GSK3B: variants seen among roughly 807,000 people sequenced by gnomAD.
GSK3B encodes glycogen synthase kinase 3 beta, also known as glycogen synthase kinase-3 beta.
GSK3B carries 15 observed loss-of-function variants against 56.4 expected under a neutral mutation model. The observed-to-expected ratio is 0.27, with a 90% CI of 0.18 to 0.41. The LOEUF (loss-of-function observed/expected upper bound fraction) is 0.41. Among genes scored for constraint, GSK3B ranks in the 10% least tolerant of loss-of-function variants. The pLI is 1.00. For synonymous variants in GSK3B, 181 were observed against 188.9 expected, an observed-to-expected ratio of 0.96 and a Z score of 0.34; for missense variants, 300 against 513.4, an observed-to-expected ratio of 0.58 and a Z score of 4.02.
At chr3:119,967,782 TTTTC>T (rs2057331171) in intron 2 of GSK3B, among the ~76,000 whole-genome samples, 1 of 149,152 alleles carries the variant, frequency 6.7e-6, no homozygotes, top group South Asian at 2.3e-4. Flanking sequence ...TTTCTCTTTC[TTTTC>T]TCTCTCTCTC....
intron 1 of GSK3B, among the ~76,000 whole-genome samples, chr3:120,021,194 T>A (rs2057873846): frequency 6.6e-6 from 1 of 152,088 alleles, no homozygotes; most frequent in African/African-American, 2.4e-5. Context: ...ACTAAACAAC[T>A]TCTAGATGCC....
intron 1 of GSK3B, among the ~76,000 whole-genome samples, chr3:120,019,240 G>C (rs1311051281): frequency 6.6e-6 from 1 of 151,590 alleles, no homozygotes; most frequent in African/African-American, 2.4e-5. Flanking sequence ...TTGGTGAGCT[G>C]ATGTACCATG....
At chr3:120,056,678 G>A (rs1387285141) in intron 1 of GSK3B, among the ~76,000 whole-genome samples, 1 of 152,136 alleles carries the variant, frequency 6.6e-6, no homozygotes. Context: ...AAGGAGTCCT[G>A]AGAGCAAGAA....
chr3:119,918,383 T>C (rs895749931), intron 4 of GSK3B, among the ~76,000 whole-genome samples: 1 of 151,384 alleles, frequency 6.6e-6, no homozygotes, highest in African/African-American at 2.4e-5. Flanking sequence ...GGCAGGAGAA[T>C]TGCTTGGACC....
chr3:119,851,657 T>C (rs2055932212), intron 9 of GSK3B, among the ~76,000 whole-genome samples: 2 of 152,188 alleles, frequency 1.3e-5, no homozygotes, highest in African/African-American at 2.4e-5. Context: ...CCTCCTCTAC[T>C]AGCTTTGAAG....
chr3:120,048,049 C>A (rs566369594), intron 1 of GSK3B, among the ~76,000 whole-genome samples: 6 of 152,306 alleles, frequency 3.9e-5, no homozygotes, highest in Admixed American at 3.9e-4. Flanking sequence ...ATATGAACTA[C>A]GTATCTTCAC....
At chr3:120,044,328 G>A (rs1247720597) in intron 1 of GSK3B, among the ~76,000 whole-genome samples, 1 of 152,162 alleles carries the variant, frequency 6.6e-6, no homozygotes, top group Non-Finnish European at 1.5e-5. Context: ...GCCCTTCCAA[G>A]AGCTTACCCA....
At chr3:119,953,337 C>T (rs1046027642) in intron 2 of GSK3B, among the ~76,000 whole-genome samples, 5 of 152,156 alleles carry the variant, frequency 3.3e-5, no homozygotes, top group Non-Finnish European at 7.4e-5. Flanking sequence ...ACATGTAATT[C>T]CAGCTACATC....
chr3:119,910,113 AAGTATTTCAGG>A (rs1207936664), intron 6 of GSK3B, among the ~76,000 whole-genome samples: 1 of 152,192 alleles, frequency 6.6e-6, no homozygotes, highest in Admixed American at 6.5e-5. Flanking sequence ...TCATGCTCAG[AAGTATTTCAGG>A]AGGATTTTAA....
intron 9 of GSK3B, among the ~76,000 whole-genome samples, chr3:119,844,920 C>A (rs1476846081): frequency 1.3e-5 from 2 of 152,218 alleles, no homozygotes; most frequent in Non-Finnish European, 2.9e-5. Flanking sequence ...CAATAAAATA[C>A]TGGCAAACCG....
chr3:119,934,006 T>G (rs2056971112), intron 3 of GSK3B, among the ~76,000 whole-genome samples: 1 of 152,118 alleles, frequency 6.6e-6, no homozygotes, highest in Admixed American at 6.5e-5. Context: ...AAATCCACAC[T>G]GATAGAAATA....
chr3:119,902,596 C>T (rs2056635580), intron 7 of GSK3B, among the ~76,000 whole-genome samples: 1 of 152,098 alleles, frequency 6.6e-6, no homozygotes, highest in African/African-American at 2.4e-5. Context: ...AGGGTTTCAC[C>T]ATGTTGGTCA....
chr3:119,993,205 A>T (rs2057582683), intron 2 of GSK3B, among the ~76,000 whole-genome samples: 1 of 152,086 alleles, frequency 6.6e-6, no homozygotes, highest in Non-Finnish European at 1.5e-5. Flanking sequence ...ACTGAGGAAA[A>T]GTAAGCCAGA....
chr3:120,002,538 C>T (rs2057689187), intron 1 of GSK3B, among the ~76,000 whole-genome samples: 1 of 152,068 alleles, frequency 6.6e-6, no homozygotes, highest in Non-Finnish European at 1.5e-5. Flanking sequence ...GCGGTTTCAC[C>T]ATGTTGGCCA....
chr3:119,863,442 G>T lies in GSK3B; in HGVS notation c.1073C>A (p.Ala358Glu). 6.2e-7 allele frequency: 1 copy of T among 1,613,848 alleles called. No homozygotes were observed. The highest frequency in any genetic ancestry group is 8.5e-7 in the Non-Finnish European group (1 of 1,179,740). ...ACCTTGAGTGGTGAAGTTGAAGAGT[G>T]CAGGTGTGTCTCGCCCATTTGGTAG... is the stretch of plus-strand genomic sequence containing the variant. ...VKLPNGRDTP[A>E]LFNFTTQELS... Residue 358 changes from alanine to glutamate, a missense_variant, in exon 9 of 11, where the codon GCA becomes GAA. By Grantham distance (107) the Ala-to-Glu change is moderately radical. Transcript: ENST00000264235.
At chr3:120,060,010 G>T (rs78247728) in intron 1 of GSK3B, among the ~76,000 whole-genome samples, 2,770 of 152,180 alleles carry the variant, frequency 0.018, 92 homozygotes, top group African/African-American at 0.064. Flanking sequence ...TTATATGCCA[G>T]GCATTACCCT....
intron 1 of GSK3B, among the ~76,000 whole-genome samples, chr3:120,027,363 C>T (rs2057937058): frequency 6.8e-6 from 1 of 147,070 alleles, no homozygotes; most frequent in Admixed American, 6.8e-5. Context: ...GGTGACTGAG[C>T]GAGACTCTGT....
At chr3:120,003,923 G>C (rs904880445) in intron 1 of GSK3B, among the ~76,000 whole-genome samples, 3 of 152,226 alleles carry the variant, frequency 2.0e-5, no homozygotes, top group African/African-American at 7.2e-5. Flanking sequence ...CATGGAGGGC[G>C]AGCCGAAGCA....
chr3:120,074,596 G>A (rs1238308331), intron 1 of GSK3B, among the ~76,000 whole-genome samples: 6 of 152,058 alleles, frequency 3.9e-5, no homozygotes, highest in Non-Finnish European at 7.4e-5. Context: ...GATTACAGGT[G>A]TGAGCCACCA....
Sources: gnomAD v4.1 joint callset for allele counts (sites outside exome capture counted in the v4.1 genomes callset) on GRCh38, gnomAD v4.1.1 for gene constraint, MANE v1.5 for transcripts, NCBI Gene and HGNC (gene_info 2026-07-23, HGNC 2026-07-21) for gene names.